Variants in TBC1D1 observed in about 807,000 individuals in gnomAD.
TBC1D1 encodes TBC1 domain family member 1.
Under a neutral mutation model 125.6 loss-of-function variants are expected in TBC1D1, and 89 were observed. The observed-to-expected ratio is 0.71, with a 90% CI of 0.60 to 0.85. The LOEUF (loss-of-function observed/expected upper bound fraction) is 0.85. TBC1D1 is among the 40% of genes least tolerant of loss of function. The pLI is 0.00. For missense variants in TBC1D1, 1,377 were observed against 1,469.2 expected (o/e 0.94, Z 1.03); for synonymous variants, 565 against 564.1 (o/e 1.00, Z -0.02).
intron 12 of TBC1D1, among the ~76,000 whole-genome samples, chr4:38,062,669 A>C (rs1207003071): frequency 3.0e-5 from 4 of 131,456 alleles, no homozygotes; most frequent in Non-Finnish European, 6.1e-5. Context: ...TTGTCATTTC[A>C]AAAGTCAAGG....
chr4:38,064,701 G>A (rs1025972573), intron 12 of TBC1D1, among the ~76,000 whole-genome samples: 1 of 149,290 alleles, frequency 6.7e-6, no homozygotes, highest in East Asian at 2.0e-4. Flanking sequence ...TCCGCTCACT[G>A]CCACCTCCAC....
At chr4:38,101,188 GGCCAGA>G (rs1760259953) in intron 14 of TBC1D1, among the ~76,000 whole-genome samples, 1 of 152,214 alleles carries the variant, frequency 6.6e-6, no homozygotes, top group Non-Finnish European at 1.5e-5. Flanking sequence ...TCCCAAAGGT[GGCCAGA>G]GACAGAAACC....
intron 2 of TBC1D1, among the ~76,000 whole-genome samples, chr4:37,948,318 C>T (rs1328842296): frequency 6.6e-6 from 1 of 152,144 alleles, no homozygotes; most frequent in African/African-American, 2.4e-5. Flanking sequence ...GTCATTAATT[C>T]ACATACCATA....
At chr4:37,963,478 C>A (rs1730450675) in intron 2 of TBC1D1, among the ~76,000 whole-genome samples, 1 of 152,124 alleles carries the variant, frequency 6.6e-6, no homozygotes, top group Non-Finnish European at 1.5e-5. Context: ...CATGGTAAAA[C>A]CCCATCTCTA....
intron 12 of TBC1D1, among the ~76,000 whole-genome samples, chr4:38,069,935 ATTC>A (rs1213071403): frequency 3.3e-5 from 5 of 152,100 alleles, no homozygotes; most frequent in South Asian, 2.1e-4. Context: ...GCCCAAGACA[ATTC>A]TTCTTCTGCT....
chr4:37,999,765 G>A (rs141209577), intron 2 of TBC1D1, among the ~76,000 whole-genome samples: 295 of 152,284 alleles, frequency 1.9e-3, no homozygotes, highest in African/African-American at 6.5e-3. Context: ...ACAGTTTATT[G>A]AAATGAGATA....
At chr4:38,133,462 A>G (rs1765950942) in intron 19 of TBC1D1, among the ~76,000 whole-genome samples, 1 of 152,186 alleles carries the variant, frequency 6.6e-6, no homozygotes, top group Non-Finnish European at 1.5e-5. Context: ...AAGGTCAGGC[A>G]GTCCCAGAGC....
chr4:37,891,679 C>T (rs1476531232), intron 1 of TBC1D1, among the ~76,000 whole-genome samples: 2 of 140,032 alleles, frequency 1.4e-5, no homozygotes, highest in East Asian at 4.3e-4. Flanking sequence ...ATTATCCTAG[C>T]GTGTTTGCAA....
chr4:38,120,843 A>G (rs1763728035), intron 17 of TBC1D1, among the ~76,000 whole-genome samples: 2 of 152,218 alleles, frequency 1.3e-5, no homozygotes, highest in African/African-American at 4.8e-5. Context: ...GGGAAGAAAA[A>G]TCTAAAAAAC....
Position 38,137,854 on chromosome 4 carries a change from T to C in TBC1D1, c.*519T>C, listed in dbSNP as rs1170858692. On this transcript the variant is annotated 3_prime_UTR_variant, in exon 20 of 20. Transcript: ENST00000261439. ...TGATCATTGGGAAGATCAGTGATCT[T>C]GGGTCATTGATCCCTGGCTCAGAGG... 1 of 152,904 alleles carries C rather than the reference T, an allele frequency of 6.5e-6. No homozygotes were observed. Among genetic ancestry groups the C allele is most frequent in the Non-Finnish European group, 1.5e-5 (1 of 68,262 alleles). The allele number at this position is 152,904 out of a possible 1,614,324, so 9.5% of individuals were successfully genotyped here.
In TBC1D1 at chr4:38,052,070, C is replaced by T. The variant is rs2152482491; in HGVS notation, c.1911-2129C>T. ...ATGCTGTGCCAAAGAGGTGAGCACA[C>T]TCACGTGGCAAGTTTGGTGTTGTCT... On this transcript the variant is annotated intron_variant, in intron 11 of 19. Coordinates refer to ENST00000261439, the MANE Select transcript of TBC1D1 (RefSeq NM_015173.4). The T allele has an allele frequency of 1.3e-6, 2 of 1,550,986 alleles. No individual in the cohort carries two copies. Among genetic ancestry groups the T allele is most frequent in the East Asian group, 4.9e-5 (2 of 40,926 alleles).
chr4:38,125,269 C>T (rs1250763277), intron 18 of TBC1D1, 138 bp downstream of exon 20: 5 of 760,176 alleles, frequency 6.6e-6, no homozygotes, highest in Non-Finnish European at 8.4e-6. Flanking sequence ...ATGGAGGAGG[C>T]ATATCACAAA....
Position 37,902,165 on chromosome 4 carries a change from C to CA in TBC1D1, c.71dup (p.Leu25AlafsTer22). 1 of 1,612,346 alleles carries CA rather than the reference C, an allele frequency of 6.2e-7. No homozygotes were observed. The highest frequency in any genetic ancestry group is 8.5e-7 in the Non-Finnish European group (1 of 1,179,322). ...CGAGGTCTCGGTGGATTTTGGCCTG[C>CA]AGCTGGTGGGCTCCCTGCCTGTGCA... is the stretch of plus-strand genomic sequence containing the variant. On this transcript the variant is annotated frameshift_variant, in exon 2 of 20. Transcript: ENST00000261439. LOFTEE classifies it high-confidence loss of function.
intron 11 of TBC1D1, among the ~76,000 whole-genome samples, chr4:38,052,505 T>A (rs28684595): frequency 0.047 from 7,153 of 151,822 alleles, 476 homozygotes; most frequent in African/African-American, 0.15. Flanking sequence ...CTAATATTTT[T>A]ATTTTTTTTT....
intron 12 of TBC1D1, among the ~76,000 whole-genome samples, chr4:38,088,267 A>T (rs1757872790): frequency 1.3e-5 from 2 of 152,236 alleles, no homozygotes; most frequent in Non-Finnish European, 2.9e-5. Flanking sequence ...AATCCTAAGT[A>T]TACAGGGTTT....
At chr4:37,993,873 C>T (rs150834924) in intron 2 of TBC1D1, among the ~76,000 whole-genome samples, 1,717 of 152,376 alleles carry the variant, frequency 0.011, 15 homozygotes, top group Non-Finnish European at 0.019. Context: ...TGAGCCACCG[C>T]GCCCGGCCAC....
intron 12 of TBC1D1, among the ~76,000 whole-genome samples, chr4:38,057,007 A>G (rs1401781179): frequency 1.3e-5 from 2 of 152,172 alleles, no homozygotes; most frequent in African/African-American, 4.8e-5. Flanking sequence ...TAAAAGTACC[A>G]AACAGAACAG....
chr4:38,110,194 A>G (rs1761979878), intron 15 of TBC1D1: 1 of 985,322 alleles, frequency 1.0e-6, no homozygotes, highest in Non-Finnish European at 1.2e-6. Context: ...TGGGCTCTGA[A>G]TAGAGGAAGG....
intron 18 of TBC1D1, among the ~76,000 whole-genome samples, chr4:38,130,342 TA>T (rs1243366253): frequency 1.3e-5 from 2 of 152,260 alleles, no homozygotes; most frequent in East Asian, 3.8e-4. Flanking sequence ...ATTTTTCTTT[TA>T]TTTTTCAAGC....
Sources: gnomAD v4.1 joint callset for allele counts (sites outside exome capture counted in the v4.1 genomes callset) on GRCh38, gnomAD v4.1.1 for gene constraint, MANE v1.5 for transcripts, NCBI Gene and HGNC (gene_info 2026-07-23, HGNC 2026-07-21) for gene names.